The following OSMR variants were observed in gnomAD, a reference collection of about 807,000 sequenced individuals.
The protein encoded by OSMR is oncostatin-M-specific receptor subunit beta.
Under a neutral mutation model 99.9 loss-of-function variants are expected in OSMR, and 81 were observed. That is an observed-to-expected ratio of 0.81 (90% CI 0.68 to 0.97). The LOEUF is 0.97. Among genes scored for constraint, OSMR ranks in the 50% least tolerant of loss-of-function variants. The probability of loss-of-function intolerance (pLI) is 0.00; values close to 1 mark genes in which losing one functional copy is unlikely to be tolerated. For synonymous variants in OSMR, 406 were observed against 410.4 expected, an observed-to-expected ratio of 0.99 and a Z score of 0.13; for missense variants, 1,099 against 1,153.4, an observed-to-expected ratio of 0.95 and a Z score of 0.68.
At position 38,874,003 on chromosome 5, in the gene OSMR, A is replaced by AT. The variant is rs200967263; in HGVS notation, c.74-2190dup. ...GCCATGACACCCAGCTACTTGTTGTATTTTTTTTGGTAGAGACAGGGTTTT... is the reference window on the plus strand; with the variant it reads ...GCCATGACACCCAGCTACTTGTTGTATTTTTTTTTGGTAGAGACAGGGTTTT... On this transcript the variant is annotated intron_variant, in intron 2 of 17. Transcript: ENST00000274276. Among the ~76,000 whole-genome samples, 1,186 of 151,276 alleles carry AT rather than the reference A, an allele frequency of 7.8e-3. 23 individuals carry two copies. Among genetic ancestry groups the AT allele is most frequent in the African/African-American group, 0.025 (1,041 of 41,240 alleles).
intron 7 of OSMR, among the ~76,000 whole-genome samples, chr5:38,893,375 C>T (rs184783310): frequency 2.6e-3 from 395 of 152,276 alleles, no homozygotes; most frequent in Middle Eastern, 0.01. Flanking sequence ...GAATTTAAGG[C>T]ATCAATTGTA....
At chr5:38,879,096 A>G (rs1743061064) in intron 3 of OSMR, among the ~76,000 whole-genome samples, 1 of 152,214 alleles carries the variant, frequency 6.6e-6, no homozygotes, top group African/African-American at 2.4e-5. Context: ...GTTAGGCCTC[A>G]CCTTCTCCCA....
intron 1 of OSMR, among the ~76,000 whole-genome samples, chr5:38,854,767 G>A (rs865933144): frequency 2.6e-5 from 4 of 152,200 alleles, no homozygotes; most frequent in Non-Finnish European, 4.4e-5. Context: ...GCCTGCAAGT[G>A]GCTTATAGTC....
chr5:38,901,498 TTCATGTTGTAGTG>T (rs1415215619), intron 7 of OSMR, among the ~76,000 whole-genome samples: 1 of 152,202 alleles, frequency 6.6e-6, no homozygotes, highest in African/African-American at 2.4e-5. Context: ...GAATGGGCAT[TTCATGTTGTAGTG>T]TCATGTATGG....
At chr5:38,911,615 A>G (rs985415902) in intron 9 of OSMR, among the ~76,000 whole-genome samples, 2 of 152,192 alleles carry the variant, frequency 1.3e-5, no homozygotes, top group African/African-American at 4.8e-5. Flanking sequence ...ACAAAAAGAG[A>G]AAACTTCAGG....
intron 11 of OSMR, chr5:38,919,437 G>C: frequency 7.8e-6 from 8 of 1,026,558 alleles, no homozygotes; most frequent in Non-Finnish European, 1.0e-5. Context: ...TTTGTAAAAA[G>C]TGTTGTCAGT....
At chr5:38,893,066 A>T (rs1744261459) in intron 7 of OSMR, among the ~76,000 whole-genome samples, 1 of 152,178 alleles carries the variant, frequency 6.6e-6, no homozygotes, top group African/African-American at 2.4e-5. Context: ...TTCACCTGAA[A>T]AAACAGAGCA....
intron 1 of OSMR, among the ~76,000 whole-genome samples, chr5:38,857,648 C>CT (rs1467928967): frequency 6.6e-6 from 1 of 152,012 alleles, no homozygotes; most frequent in Non-Finnish European, 1.5e-5. Flanking sequence ...ATTTAAAACT[C>CT]TCTCTTCTAG....
Position 38,917,460 on chromosome 5 carries a change from A to G in OSMR, c.1286-86A>G. 4.5e-6 allele frequency: 7 copies of G among 1,572,544 alleles called. No homozygotes were observed. In the South Asian group the frequency reaches 4.5e-5, roughly 10 times the overall value. On this transcript the variant is annotated intron_variant, in intron 9 of 17. Transcript: ENST00000274276. Reference sequence around the variant, plus strand: ...GCCTCAGGTTGGACAGGTAATTGTCATGTCCTTGACCGTCCTAGAAAAAGG... The same window carrying G: ...GCCTCAGGTTGGACAGGTAATTGTCGTGTCCTTGACCGTCCTAGAAAAAGG...
chr5:38,911,167 A>G (rs1745553920), intron 9 of OSMR, among the ~76,000 whole-genome samples: 1 of 152,212 alleles, frequency 6.6e-6, no homozygotes, highest in Non-Finnish European at 1.5e-5. Flanking sequence ...ATTAAGAAGA[A>G]TAAGTTTCAT....
Position 38,909,995 on chromosome 5 carries a change from G to T in OSMR, c.1285+5492G>T, listed in dbSNP as rs12234097. The stretch of plus-strand genomic sequence containing the variant: ...CTACAGGAGACCTATATCACACGCA[G>T]TGACACCCACAGGCTCAAAGTAAAG... On this transcript the variant is annotated intron_variant, in intron 9 of 17. Coordinates refer to ENST00000274276, the MANE Select transcript of OSMR (RefSeq NM_003999.3). 0.028 allele frequency among the ~76,000 whole-genome samples: 4,210 copies of T among 152,214 alleles called. 384 individuals carry two copies. In the East Asian group the frequency reaches 0.36, roughly 13 times the overall value.
At chr5:38,919,627 CCTT>C (rs1304725435) in intron 11 of OSMR, 1 of 285,180 alleles carries the variant, frequency 3.5e-6, no homozygotes, top group Non-Finnish European at 6.8e-6. Flanking sequence ...ATATTAATTT[CCTT>C]CTTAGCCATA....
At chr5:38,925,110 G>C (rs1235518751) in intron 14 of OSMR, 94 bp from the exon 15 acceptor site, 1 of 1,568,784 alleles carries the variant, frequency 6.4e-7, no homozygotes, top group Non-Finnish European at 8.6e-7. Context: ...GAGTTAACAA[G>C]AGCATTAGTG....
At chr5:38,849,927 C>A (rs1424413242) in intron 1 of OSMR, among the ~76,000 whole-genome samples, 1 of 152,166 alleles carries the variant, frequency 6.6e-6, no homozygotes, top group Non-Finnish European at 1.5e-5. Context: ...CTTAGCAAAG[C>A]ACCTTGTAGA....
chr5:38,903,207 T>G (rs1745007765), intron 7 of OSMR, among the ~76,000 whole-genome samples: 1 of 152,192 alleles, frequency 6.6e-6, no homozygotes, highest in Admixed American at 6.5e-5. Context: ...TTACGTGAAA[T>G]GGATTTGTTA....
intron 15 of OSMR, among the ~76,000 whole-genome samples, chr5:38,931,250 C>T (rs527763044): frequency 2.0e-5 from 3 of 152,074 alleles, no homozygotes; most frequent in Non-Finnish European, 4.4e-5. Flanking sequence ...TCAAAAGCTC[C>T]GTGGCATACA....
chr5:38,918,827 A>T lies in OSMR; in HGVS notation c.1363-13A>T, dbSNP rs1373920291. The T allele has an allele frequency of 1.2e-6, 2 of 1,613,584 alleles. No individual in the cohort carries two copies. Among genetic ancestry groups the T allele is most frequent in the Non-Finnish European group, 1.7e-6 (2 of 1,179,622 alleles). On this transcript the variant is annotated splice_polypyrimidine_tract_variant and intron_variant, in intron 10 of 17. Transcript: ENST00000274276. ...AAAACCCATTTAAAAATGTTTATCA[A>T]TATTTTTTTCAGCCATTATCAAAAC...
chr5:38,894,018 A>G (rs1337609323), intron 7 of OSMR, among the ~76,000 whole-genome samples: 2 of 152,322 alleles, frequency 1.3e-5, no homozygotes, highest in South Asian at 2.1e-4. Flanking sequence ...TTGAGGGTCT[A>G]TTTTCAGCAT....
rs116638853 is a variant in OSMR at position 38,918,087 on chromosome 5, T to G, written c.1362+465T>G. Among the ~76,000 whole-genome samples the G allele has an allele frequency of 2.2e-3, 328 of 152,280 alleles. 2 individuals are homozygous for G. The highest frequency in any genetic ancestry group is 7.1e-3 in the African/African-American group (294 of 41,562). On this transcript the variant is annotated intron_variant, in intron 10 of 17. Coordinates refer to ENST00000274276, the MANE Select transcript of OSMR (RefSeq NM_003999.3). ...TTCTGAACTCTGTGATGCGTCAGTT[T>G]CACACTGAAACATGGTGATCCTGGG...
Sources: allele counts gnomAD v4.1 joint callset (sites outside exome capture counted in the v4.1 genomes callset), GRCh38; gene constraint gnomAD v4.1.1; transcripts MANE v1.5; gene names NCBI Gene and HGNC (gene_info 2026-07-23, HGNC 2026-07-21).